The following KIF5A variants were observed in gnomAD, a reference collection of about 807,000 sequenced individuals.
KIF5A encodes kinesin heavy chain isoform 5A.
A neutral mutation model predicts 141.3 loss-of-function variants in KIF5A; 35 were observed. The observed-to-expected ratio is 0.25, with a 90% CI of 0.19 to 0.33. The LOEUF (loss-of-function observed/expected upper bound fraction) is 0.33, where lower values mean the gene tolerates loss of function less well. KIF5A is among the 10% of genes least tolerant of loss of function. The pLI is 1.00. For synonymous variants in KIF5A, 448 were observed against 500.2 expected (o/e 0.90, Z 1.39); for missense variants, 861 against 1,314.3 (o/e 0.66, Z 5.33).
chr12:57,571,468 A>G (rs1882253367), intron 13 of KIF5A, 79 bp downstream of exon 13: 1 of 1,467,196 alleles, frequency 6.8e-7, no homozygotes, highest in Admixed American at 1.8e-5. Context: ...CCTTTTTAAA[A>G]TCAGATGGAA....
chr12:57,569,392 T>C lies in KIF5A; in HGVS notation c.956T>C (p.Met319Thr). The C allele has an allele frequency of 6.2e-7, 1 of 1,614,074 alleles. No individual in the cohort carries two copies. Among genetic ancestry groups the C allele is most frequent in the African/African-American group, 1.3e-5 (1 of 75,028 alleles). The change falls in exon 10 of 29, where the codon ATG (methionine) becomes ACG (threonine). Residue 319 changes from methionine to threonine, a missense_variant. This residue lies in a region of KIF5A where 146 missense variants were observed against 353.4 expected (regional missense o/e 0.41). Coordinates refer to ENST00000455537, the MANE Select transcript of KIF5A (RefSeq NM_004984.4). ...GATGCAGAGACCAAGTCCACCCTGA[T>C]GTTTGGGCAGCGGTCAGTGGCAGGG... is the stretch of plus-strand genomic sequence containing the variant. The part of the protein sequence containing the change: ...YNDAETKSTL[M>T]FGQRAKTIKN...
At chr12:57,581,663 AT>A in intron 25 of KIF5A, 95 bp downstream of exon 25, 1 of 1,453,562 alleles carries the variant, frequency 6.9e-7, no homozygotes, top group Non-Finnish European at 9.6e-7. Context: ...TGGCTTAATT[AT>A]TTTCCTAAAC....
In KIF5A at chr12:57,571,851, G is replaced by A. The variant is rs557822427; in HGVS notation, c.1363-210G>A. On this transcript the variant is annotated intron_variant, in intron 13 of 28. Coordinates refer to ENST00000455537, the MANE Select transcript of KIF5A (RefSeq NM_004984.4). ...TGGGATTACAGGCGTGAGCCACTGC[G>A]CCCGGCTGGGGCTTTTCTTAAAGCA... Among the ~76,000 whole-genome samples the A allele has an allele frequency of 4.6e-5, 7 of 152,276 alleles. No individual in the cohort carries two copies. The East Asian group carries it at 7.7e-4, about 17-fold the overall frequency.
chr12:57,558,978 A>T (rs1176076495), intron 1 of KIF5A, among the ~76,000 whole-genome samples: 1 of 151,890 alleles, frequency 6.6e-6, no homozygotes, highest in Non-Finnish European at 1.5e-5. Context: ...GGGTCTCCCT[A>T]TGTTGCCCAG....
In KIF5A at chr12:57,564,467, A is replaced by C; in HGVS notation, c.404A>C (p.Tyr135Ser). The C allele has an allele frequency of 6.2e-7, 1 of 1,611,228 alleles. No homozygotes were observed. The highest frequency in any genetic ancestry group is 8.5e-7 in the Non-Finnish European group (1 of 1,177,430). ...ENLEFHIKVS[Y>S]FEIYLDKIRD... ...TTCTTTCTTCTTAACCAGGTTTCTT[A>C]CTTTGAAATTTACCTGGACAAAATT... The change falls in exon 5 of 29, where the codon TAC becomes TCC. Residue 135 changes from tyrosine to serine, a missense_variant. Transcript: ENST00000455537.
intron 1 of KIF5A, among the ~76,000 whole-genome samples, chr12:57,557,440 TA>T (rs1441642925): frequency 2.6e-5 from 4 of 152,140 alleles, no homozygotes; most frequent in African/African-American, 9.7e-5. Context: ...TAATACATTT[TA>T]ATTGTTAACA....
At chr12:57,576,588 T>C (rs1882433296) in intron 19 of KIF5A, among the ~76,000 whole-genome samples, 173 bp from the exon 20 acceptor site, 1 of 152,194 alleles carries the variant, frequency 6.6e-6, no homozygotes, top group Non-Finnish European at 1.5e-5. Context: ...TCAGGGTTCC[T>C]GGCTCTGTCA....
intron 1 of KIF5A, among the ~76,000 whole-genome samples, chr12:57,554,114 G>T (rs112395895): frequency 1.4e-5 from 2 of 145,872 alleles, no homozygotes; most frequent in African/African-American, 2.5e-5. Context: ...AGTAGGGGAA[G>T]AAAAAGCCTT....
chr12:57,584,146 A>G (rs1882688230), intron 28 of KIF5A, 72 bp from the exon 29 acceptor site: 1 of 152,558 alleles, frequency 6.6e-6, no homozygotes, highest in Non-Finnish European at 1.5e-5. Context: ...GTGTGTGCAG[A>G]TGCCACCTGT....
intron 23 of KIF5A, among the ~76,000 whole-genome samples, chr12:57,579,235 C>T (rs530774411): frequency 6.6e-6 from 1 of 152,058 alleles, no homozygotes; most frequent in Admixed American, 6.5e-5. Context: ...GAAGGGCAGT[C>T]CAAAGGAGTC....
At chr12:57,582,750 C>T (rs1882645123) in intron 27 of KIF5A, 121 bp downstream of exon 27, 1 of 830,038 alleles carries the variant, frequency 1.2e-6, no homozygotes, top group Non-Finnish European at 2.1e-6. Flanking sequence ...GAGTGAGACT[C>T]ATTCTTTTCA....
intron 25 of KIF5A, 23 bp from the exon 26 acceptor site, chr12:57,581,847 C>T (rs199993410): frequency 6.2e-7 from 1 of 1,605,922 alleles, no homozygotes; most frequent in East Asian, 2.2e-5. Context: ...TCAGAGGCTG[C>T]CTCTTTCCTC....
rs368469872 is a variant in KIF5A, at chr12:57,578,013, G to A, written c.2366G>A (p.Arg789Gln). The change falls in exon 22 of 29, where the codon CGG (arginine) becomes CAG (glutamine). Residue 789 changes from arginine to glutamine, a missense_variant. Physicochemically the swap from Arg to Gln is conservative, Grantham distance 43. This residue lies in a region of KIF5A where 482 missense variants were observed against 661.3 expected (regional missense o/e 0.73). Coordinates refer to ENST00000455537, the MANE Select transcript of KIF5A (RefSeq NM_004984.4). ...ATTTTTCATCATTCTTTCCAGGCCCGGGAACTCCAGACCCTCCACAACCTT... is the reference window on the plus strand; with the variant it reads ...ATTTTTCATCATTCTTTCCAGGCCCAGGAACTCCAGACCCTCCACAACCTT... ...DLKGLEETVA[R>Q]ELQTLHNLRK... The A allele has an allele frequency of 6.2e-6, 10 of 1,613,710 alleles. No individual in the cohort carries two copies. The highest frequency in any genetic ancestry group is 1.6e-4 in the Middle Eastern group (1 of 6,084).
chr12:57,576,659 G>C, intron 19 of KIF5A, 102 bp from the exon 20 acceptor site: 1 of 867,078 alleles, frequency 1.2e-6, no homozygotes, highest in Non-Finnish European at 1.9e-6. Flanking sequence ...ATTCTAACTG[G>C]ACTCACTCGT....
chr12:57,566,901 G>A (rs890178374), intron 6 of KIF5A, among the ~76,000 whole-genome samples: 9 of 151,784 alleles, frequency 5.9e-5, no homozygotes, highest in African/African-American at 1.4e-4. Context: ...TTAGCCGGGC[G>A]TGTTGGCTCA....
At chr12:57,578,660 C>T (rs1236099038) in intron 23 of KIF5A, among the ~76,000 whole-genome samples, 1 of 152,094 alleles carries the variant, frequency 6.6e-6, no homozygotes, top group African/African-American at 2.4e-5. Context: ...ACTGGTCAGA[C>T]GTTACCCAGA....
rs751973359 is a variant in KIF5A, at chr12:57,576,088, A to C, written c.2025A>C (p.Glu675Asp). 1.9e-6 allele frequency: 3 copies of C among 1,614,116 alleles called. 1 individual carries two copies. In the South Asian group the frequency reaches 3.3e-5, roughly 18 times the overall value. Residue 675 changes from glutamate to aspartate, a missense_variant and splice_region_variant, in exon 18 of 29, where the codon GAA (glutamate) becomes GAC (aspartate). Physicochemically the swap from Glu to Asp is conservative, Grantham distance 45. Transcript: ENST00000455537. ...SDELAKLQAQ[E>D]TVHEVALKDK... ...GCTGTCTTCCCCTCTTTCCCTTAGA[A>C]ACTGTGCATGAAGTGGCCCTGAAGG...
chr12:57,563,812 A>G (rs1881983232), intron 3 of KIF5A, 119 bp downstream of exon 3: 2 of 940,922 alleles, frequency 2.1e-6, no homozygotes. Context: ...ATAGATGAGT[A>G]CAGAGGATGA....
In KIF5A at chr12:57,575,621, A is replaced by G. The variant is rs761235597; in HGVS notation, c.1906-19A>G. The G allele has an allele frequency of 6.2e-7, 1 of 1,605,480 alleles. No individual in the cohort carries two copies. The highest frequency in any genetic ancestry group is 2.2e-5 in the East Asian group (1 of 44,838). ...TCCTTTGCTCCATCTTCTTCCTCTC[A>G]CCAACTTTCTCCCACCAGCATGAGG... On this transcript the variant is annotated intron_variant, in intron 16 of 28. Coordinates refer to ENST00000455537, the MANE Select transcript of KIF5A (RefSeq NM_004984.4).
Sources: gnomAD v4.1 joint callset for allele counts (sites outside exome capture counted in the v4.1 genomes callset) on GRCh38, gnomAD v4.1.1 for gene constraint, gnomAD v4.1.1 regional missense constraint, MANE v1.5 for transcripts, NCBI Gene and HGNC (gene_info 2026-07-23, HGNC 2026-07-21) for gene names.